CAMSAP2: variants seen among roughly 807,000 people sequenced by gnomAD.
CAMSAP2 encodes calmodulin-regulated spectrin-associated protein 2.
CAMSAP2 carries 26 observed loss-of-function variants against 146.1 expected under a neutral mutation model. The ratio of observed to expected loss-of-function variants is 0.18; its 90% CI spans 0.13 to 0.25. The LOEUF is 0.25. CAMSAP2 is among the 10% of genes least tolerant of loss of function. The pLI is 1.00. For synonymous variants in CAMSAP2, 499 were observed against 596.6 expected (o/e 0.84, Z 2.38); for missense variants, 1,381 against 1,759.3 (o/e 0.78, Z 3.85).
rs919226931 is a variant in CAMSAP2 at position 200,853,795 on chromosome 1, C to T, written c.3823+300C>T. Among the ~76,000 whole-genome samples, 8 of 152,110 alleles carry T rather than the reference C, an allele frequency of 5.3e-5. No individual in the cohort carries two copies. The East Asian group carries it at 1.5e-3, about 29-fold the overall frequency. ...TGAACTATTAACTGCCCTTTACATA[C>T]TTATAAATTTAAATAAATGTTATAT... On this transcript the variant is annotated intron_variant, in intron 13 of 16. Coordinates refer to ENST00000358823, the MANE Select transcript of CAMSAP2 (RefSeq NM_203459.4). The surrounding 1 kb of genome is among the most constrained non-coding windows in gnomAD (Gnocchi z 5.1).
chr1:200,809,731 AATAATAATAATG>A (rs1306738908), intron 3 of CAMSAP2, among the ~76,000 whole-genome samples: 1 of 152,144 alleles, frequency 6.6e-6, no homozygotes, highest in Non-Finnish European at 1.5e-5. Flanking sequence ...ATCCTCTCAA[AATAATAATAATG>A]ATAATAATAA....
chr1:200,795,755 A>G (rs1267887237), intron 2 of CAMSAP2, among the ~76,000 whole-genome samples: 2 of 152,230 alleles, frequency 1.3e-5, no homozygotes, highest in East Asian at 3.8e-4. Context: ...AATGTAAGTG[A>G]CAAGATGTAA....
chr1:200,761,737 A>G (rs1482591796), intron 2 of CAMSAP2, among the ~76,000 whole-genome samples: 1 of 147,088 alleles, frequency 6.8e-6, no homozygotes, highest in Non-Finnish European at 1.5e-5. Flanking sequence ...CTCTGTCTCA[A>G]AAAAAAAAAA....
chr1:200,840,215 A>G (rs1021801886), intron 6 of CAMSAP2, among the ~76,000 whole-genome samples: 1 of 152,116 alleles, frequency 6.6e-6, no homozygotes, highest in African/African-American at 2.4e-5. Flanking sequence ...AGTCCTTTCT[A>G]TCTCACTATT....
chr1:200,748,288 A>G (rs1229770496), intron 1 of CAMSAP2, among the ~76,000 whole-genome samples: 1 of 152,158 alleles, frequency 6.6e-6, no homozygotes. Context: ...ATGTCATCCC[A>G]TCTATACGTG....
At chr1:200,743,226 C>T (rs1056721348) in intron 1 of CAMSAP2, among the ~76,000 whole-genome samples, 1 of 152,206 alleles carries the variant, frequency 6.6e-6, no homozygotes, top group African/African-American at 2.4e-5. Flanking sequence ...CCTCTTGTGA[C>T]ACTCTTACTA....
At chr1:200,766,098 C>T (rs1571730625) in intron 2 of CAMSAP2, among the ~76,000 whole-genome samples, 2 of 151,742 alleles carry the variant, frequency 1.3e-5, no homozygotes, top group Middle Eastern at 7.0e-3. Context: ...TCTGTTAATT[C>T]TCAGATTTTA....
At chr1:200,781,123 G>A (rs1665417708) in intron 2 of CAMSAP2, among the ~76,000 whole-genome samples, 1 of 152,224 alleles carries the variant, frequency 6.6e-6, no homozygotes, top group South Asian at 2.1e-4. Flanking sequence ...GTGTATTTCA[G>A]TGAATTTAAT....
intron 9 of CAMSAP2, 55 bp from the exon 10 acceptor site, chr1:200,847,585 T>C: frequency 2.2e-6 from 3 of 1,374,656 alleles, no homozygotes; most frequent in Admixed American, 3.5e-5. Context: ...CCTAAGTTGC[T>C]ATAAGTTAAT....
At chr1:200,837,032 C>T (rs917443910) in intron 6 of CAMSAP2, among the ~76,000 whole-genome samples, 4 of 145,102 alleles carry the variant, frequency 2.8e-5, no homozygotes, top group African/African-American at 7.9e-5. Context: ...TTCTCCCATT[C>T]TATAAGCTCT....
chr1:200,795,199 A>C (rs558510632), intron 2 of CAMSAP2, among the ~76,000 whole-genome samples: 1 of 152,330 alleles, frequency 6.6e-6, no homozygotes, highest in East Asian at 1.9e-4. Flanking sequence ...TTATTTAAAT[A>C]ATCCTGGACT....
intron 4 of CAMSAP2, among the ~76,000 whole-genome samples, chr1:200,820,715 TAA>T (rs1353148252): frequency 6.6e-6 from 1 of 152,210 alleles, no homozygotes; most frequent in African/African-American, 2.4e-5. Flanking sequence ...GGCTCCGAAG[TAA>T]AATACATTTG....
intron 3 of CAMSAP2, among the ~76,000 whole-genome samples, chr1:200,813,563 C>T (rs976636541): frequency 6.6e-6 from 1 of 152,196 alleles, no homozygotes; most frequent in East Asian, 1.9e-4. Context: ...CCTCTTAATA[C>T]AGTATCTGGC....
chr1:200,847,880 G>T, intron 10 of CAMSAP2, 152 bp from the exon 11 acceptor site: 1 of 773,184 alleles, frequency 1.3e-6, no homozygotes, highest in South Asian at 2.0e-5. Flanking sequence ...ACTTTAAAAA[G>T]TAGCTAGATA....
At chr1:200,819,793 A>C (rs931018004) in intron 4 of CAMSAP2, among the ~76,000 whole-genome samples, 1 of 152,202 alleles carries the variant, frequency 6.6e-6, no homozygotes, top group Non-Finnish European at 1.5e-5. Context: ...CTATATGTAT[A>C]TTACTAGTAG....
chr1:200,849,461 A>T lies in CAMSAP2; in HGVS notation c.2692A>T (p.Met898Leu), dbSNP rs1171509351. 6.2e-7 allele frequency: 1 copy of T among 1,614,228 alleles called. No individual in the cohort carries two copies. The highest frequency in any genetic ancestry group is 2.2e-5 in the East Asian group (1 of 44,888). The change falls in exon 11 of 17, where the codon ATG becomes TTG. Residue 898 changes from methionine to leucine, a missense_variant. This residue lies in a region of CAMSAP2 where 560 missense variants were observed against 715.9 expected (regional missense o/e 0.78). Transcript: ENST00000358823. This position sits in a 1 kb window ranked among gnomAD's most constrained non-coding sequence, Gnocchi z 6.3. ...ATCCCTGCATTTTCTACAACAAGAA[A>T]TGCAACGCTTGTCACTTCAGCAGGA... The part of the protein sequence containing the change: ...NSSLHFLQQE[M>L]QRLSLQQEML...
intron 4 of CAMSAP2, among the ~76,000 whole-genome samples, chr1:200,825,527 G>A (rs1241577186): frequency 1.4e-5 from 2 of 141,628 alleles, no homozygotes; most frequent in African/African-American, 5.3e-5. Flanking sequence ...TTTTTTTTGA[G>A]ACAGAGTCTT....
At chr1:200,799,635 T>C (rs1225303856) in intron 2 of CAMSAP2, among the ~76,000 whole-genome samples, 1 of 152,184 alleles carries the variant, frequency 6.6e-6, no homozygotes, top group Non-Finnish European at 1.5e-5. Context: ...CCTGGATTCA[T>C]TGATTTTTTT....
chr1:200,813,063 A>T (rs1269753088), intron 3 of CAMSAP2, among the ~76,000 whole-genome samples: 1 of 152,226 alleles, frequency 6.6e-6, no homozygotes. Context: ...GCCTTAGCCT[A>T]GGTAATTTAT....
Sources: allele counts gnomAD v4.1 joint callset (sites outside exome capture counted in the v4.1 genomes callset), GRCh38; gene constraint gnomAD v4.1.1; regional missense constraint gnomAD v4.1.1; non-coding constraint Gnocchi (gnomAD v3.1); transcripts MANE v1.5; gene names NCBI Gene and HGNC (gene_info 2026-07-23, HGNC 2026-07-21).